Variants in FAM78B observed in about 807,000 individuals in gnomAD.
FAM78B encodes the protein family with sequence similarity 78 member B.
In FAM78B, 10 loss-of-function variants were observed where a neutral mutation model predicts 20.0. The ratio of observed to expected loss-of-function variants is 0.50; its 90% CI spans 0.31 to 0.85. The LOEUF (loss-of-function observed/expected upper bound fraction) is 0.85, where lower values mean the gene tolerates loss of function less well. FAM78B is among the 40% of genes least tolerant of loss of function. FAM78B has a pLI of 0.05. For missense variants in FAM78B, 283 were observed against 345.0 expected (o/e 0.82, Z 1.42); for synonymous variants, 135 against 132.8 (o/e 1.02, Z -0.12).
intron 1 of FAM78B, among the ~76,000 whole-genome samples, chr1:166,140,165 G>A (rs143135661): frequency 3.8e-4 from 58 of 152,326 alleles, no homozygotes; most frequent in African/African-American, 1.3e-3. Flanking sequence ...GAGCAGTAGC[G>A]TTGCTCTCTA....
chr1:166,074,129 C>T (rs530918381), intron 1 of FAM78B, among the ~76,000 whole-genome samples: 7 of 152,292 alleles, frequency 4.6e-5, no homozygotes, highest in African/African-American at 1.7e-4. Flanking sequence ...ACATAAAATC[C>T]TTCCAAGGCT....
At chr1:166,115,481 G>A (rs563899232) in intron 1 of FAM78B, among the ~76,000 whole-genome samples, 1 of 152,342 alleles carries the variant, frequency 6.6e-6, no homozygotes, top group African/African-American at 2.4e-5. Context: ...GGTCAAAGAG[G>A]TAGCAGCCCA....
intron 1 of FAM78B, among the ~76,000 whole-genome samples, chr1:166,091,112 C>T (rs147391391): frequency 2.6e-5 from 4 of 152,242 alleles, no homozygotes; most frequent in Admixed American, 2.6e-4. Flanking sequence ...GAACAATGGC[C>T]TCAAGGTGTG....
intron 1 of FAM78B, among the ~76,000 whole-genome samples, chr1:166,140,630 C>T (rs1372245484): frequency 6.6e-6 from 1 of 152,186 alleles, no homozygotes; most frequent in Non-Finnish European, 1.5e-5. Flanking sequence ...GCCATCAAGG[C>T]GTGCCTCAGT....
chr1:166,164,033 C>T (rs1473421678), intron 1 of FAM78B, among the ~76,000 whole-genome samples: 1 of 152,186 alleles, frequency 6.6e-6, no homozygotes, highest in Non-Finnish European at 1.5e-5. Context: ...CCTATAGATT[C>T]CAGGAAGTTC....
intron 1 of FAM78B, among the ~76,000 whole-genome samples, chr1:166,155,357 T>C (rs1363082046): frequency 6.6e-6 from 1 of 152,208 alleles, no homozygotes; most frequent in Non-Finnish European, 1.5e-5. Flanking sequence ...CTGGGCATGT[T>C]ATCCGACCGC....
intron 1 of FAM78B, among the ~76,000 whole-genome samples, chr1:166,084,689 G>A (rs531888533): frequency 3.3e-5 from 5 of 152,286 alleles, no homozygotes; most frequent in African/African-American, 1.2e-4. Context: ...TCCTATCAGG[G>A]TTCTAGCTCC....
rs1014876570 is a variant in FAM78B, at chr1:166,070,133, G to A, written c.*108C>T. ...AAGTGGCTGCAAAGGCTGGCAAACC[G>A]AGAGGTCTGCTTTGGCTCAGAAACT... is the stretch of plus-strand genomic sequence containing the variant. On this transcript the variant is annotated 3_prime_UTR_variant, in exon 2 of 2. Coordinates refer to ENST00000354422, the MANE Select transcript of FAM78B (RefSeq NM_001017961.5). The A allele has an allele frequency of 5.3e-5, 74 of 1,404,110 alleles. No individual in the cohort carries two copies. The highest frequency in any genetic ancestry group is 6.9e-5 in the Non-Finnish European group (74 of 1,073,474). 87.0% of individuals were successfully genotyped at this position (1,404,110 alleles called of 1,614,324 possible).
chr1:166,098,872 T>C (rs1027611623), intron 1 of FAM78B, among the ~76,000 whole-genome samples: 14 of 152,044 alleles, frequency 9.2e-5, no homozygotes, highest in Admixed American at 2.6e-4. Context: ...GACCTAGACA[T>C]CCAAATACAA....
intron 1 of FAM78B, among the ~76,000 whole-genome samples, chr1:166,096,114 G>A (rs936395849): frequency 2.2e-4 from 33 of 152,194 alleles, no homozygotes; most frequent in African/African-American, 7.5e-4. Context: ...ATGACATCTG[G>A]TATCAACATA....
At chr1:166,060,372 C>A in exon 3 of FAM78B, 1 of 353,620 alleles carries the variant, frequency 2.8e-6, no homozygotes, top group Admixed American at 3.8e-5. Flanking sequence ...TCTTTCTACA[C>A]ACAAAAAGAT....
At chr1:166,097,103 G>A (rs936304538) in intron 1 of FAM78B, among the ~76,000 whole-genome samples, 2 of 152,184 alleles carry the variant, frequency 1.3e-5, no homozygotes, top group African/African-American at 4.8e-5. Flanking sequence ...CACCCCTGCC[G>A]GAGAAGCTGA....
At chr1:166,138,763 G>A (rs1350713980) in intron 1 of FAM78B, among the ~76,000 whole-genome samples, 1 of 152,208 alleles carries the variant, frequency 6.6e-6, no homozygotes. Context: ...CTGTTCACTA[G>A]AATGTCAACT....
At chr1:166,098,976 A>C (rs1653393186) in intron 1 of FAM78B, among the ~76,000 whole-genome samples, 1 of 152,218 alleles carries the variant, frequency 6.6e-6, no homozygotes, top group Non-Finnish European at 1.5e-5. Flanking sequence ...GAAGGAAAGA[A>C]TCTTAAGAGC....
chr1:166,145,717 C>T (rs1012313883), intron 1 of FAM78B, among the ~76,000 whole-genome samples: 1 of 152,162 alleles, frequency 6.6e-6, no homozygotes, highest in Admixed American at 6.5e-5. Flanking sequence ...AAATGAAGCC[C>T]ATCCACGCAA....
chr1:166,104,564 A>G (rs1653683919), intron 1 of FAM78B, among the ~76,000 whole-genome samples: 1 of 145,264 alleles, frequency 6.9e-6, no homozygotes, highest in African/African-American at 2.5e-5. Context: ...CCAATAACAG[A>G]CAAACAGAGA....
rs187113333 is a variant in FAM78B, at chr1:166,076,390, C to T, written c.264-5627G>A. On this transcript the variant is annotated intron_variant, in intron 1 of 1. Transcript: ENST00000354422. The stretch of plus-strand genomic sequence containing the variant: ...CCTTTGCACTTACCGTTCATTTTGC[C>T]TGGAAAAATATTCCTTTGGATATCT... Among the ~76,000 whole-genome samples the T allele has an allele frequency of 2.6e-5, 4 of 152,256 alleles. No homozygotes were observed. The East Asian group carries it at 5.8e-4, about 22-fold the overall frequency.
chr1:166,077,685 A>C (rs1652336301), intron 1 of FAM78B, among the ~76,000 whole-genome samples: 1 of 139,742 alleles, frequency 7.2e-6, no homozygotes, highest in Admixed American at 7.4e-5. Flanking sequence ...ATATATTTAT[A>C]TATAAATTAT....
chr1:166,086,603 T>C (rs1217721325), intron 1 of FAM78B, among the ~76,000 whole-genome samples: 1 of 152,216 alleles, frequency 6.6e-6, no homozygotes, highest in African/African-American at 2.4e-5. Context: ...TTGTTTTCAT[T>C]AACTTTCCAC....
Sources: allele counts gnomAD v4.1 joint callset (sites outside exome capture counted in the v4.1 genomes callset), GRCh38; gene constraint gnomAD v4.1.1; transcripts MANE v1.5; gene names NCBI Gene and HGNC (gene_info 2026-07-23, HGNC 2026-07-21).